SLC49A4: variants seen among roughly 807,000 people sequenced by gnomAD.
SLC49A4 encodes the protein disrupted in renal cancer protein 2.
SLC49A4 carries 36 observed loss-of-function variants against 50.6 expected under a neutral mutation model. The ratio of observed to expected loss-of-function variants is 0.71; its 90% CI spans 0.55 to 0.94. The LOEUF (loss-of-function observed/expected upper bound fraction) is 0.94, where lower values mean the gene tolerates loss of function less well. Among genes scored for constraint, SLC49A4 ranks in the 40% least tolerant of loss-of-function variants. SLC49A4 has a pLI of 0.00. For missense variants in SLC49A4, 503 were observed against 605.7 expected (o/e 0.83, Z 1.78); for synonymous variants, 248 against 241.2 (o/e 1.03, Z -0.26).
intron 1 of SLC49A4, among the ~76,000 whole-genome samples, chr3:122,797,765 G>C (rs1936068226): frequency 6.6e-6 from 1 of 152,142 alleles, no homozygotes; most frequent in Admixed American, 6.5e-5. Context: ...TGGGTCACTT[G>C]AGCCCAGGAG....
At chr3:122,796,778 G>C (rs938874166) in intron 1 of SLC49A4, among the ~76,000 whole-genome samples, 15 of 152,200 alleles carry the variant, frequency 9.9e-5, no homozygotes, top group African/African-American at 2.9e-4. Context: ...AGCACGTTGG[G>C]AGGCTGGGGT....
rs183245696 is a variant in SLC49A4 at position 122,867,097 on chromosome 3, G to A, written c.1139-5318G>A. 1.3e-3 allele frequency among the ~76,000 whole-genome samples: 193 copies of A among 152,278 alleles called. 5 individuals carry two copies. The highest frequency in any genetic ancestry group is 0.011 in the Admixed American group (164 of 15,284). On this transcript the variant is annotated intron_variant, in intron 7 of 8. Coordinates refer to ENST00000261038, the MANE Select transcript of SLC49A4 (RefSeq NM_032839.3). Reference sequence around the variant, plus strand: ...TAAGTCGTTTTGAAGAAAGGCTTAAGCTAAGTTTTCCCTCTTATATACTTA... The same window carrying A: ...TAAGTCGTTTTGAAGAAAGGCTTAAACTAAGTTTTCCCTCTTATATACTTA...
chr3:122,847,448 C>T (rs566759326), intron 5 of SLC49A4, among the ~76,000 whole-genome samples: 6 of 150,944 alleles, frequency 4.0e-5, no homozygotes, highest in Middle Eastern at 3.4e-3. Context: ...CCCGGGTTCA[C>T]GCCATTCTTC....
Position 122,795,223 on chromosome 3 carries a change from A to G in SLC49A4, c.31A>G (p.Arg11Gly). 1 of 1,336,788 alleles carries G rather than the reference A, an allele frequency of 7.5e-7. No individual in the cohort carries two copies. Among genetic ancestry groups the G allele is most frequent in the Non-Finnish European group, 9.5e-7 (1 of 1,053,234 alleles). The allele number at this position is 1,336,788 out of a possible 1,614,324, so 82.8% of individuals were successfully genotyped here. MGSRWSSEEE[R>G]QPLLGPGLGP... ...CTCTCGCTGGAGCAGCGAAGAGGAG[A>G]GGCAGCCGCTGCTGGGGCCCGGGCT... is the stretch of plus-strand genomic sequence containing the variant. Residue 11 changes from arginine (R) to glycine (G), a missense_variant, in exon 1 of 9, where the codon AGG (arginine) becomes GGG (glycine). Transcript: ENST00000261038.
chr3:122,833,290 A>G, intron 3 of SLC49A4, 27 bp from the exon 4 acceptor site: 2 of 1,603,452 alleles, frequency 1.2e-6, no homozygotes, highest in Non-Finnish European at 1.7e-6. Context: ...TTTCCTGGTT[A>G]ACATTTTACC....
rs757286647 is a variant in SLC49A4 at position 122,795,487 on chromosome 3, A to G, written c.295A>G (p.Ile99Val). ...DIALLVLWGP[I>V]GFLPCFAFMW... is the part of the protein sequence containing the mutation. The stretch of plus-strand genomic sequence containing the variant: ...CGCGCTGCTCGTGCTGTGGGGGCCC[A>G]TCGGCTTCCTGCCCTGCTTCGCGTT... Residue 99 changes from isoleucine to valine, a missense_variant, in exon 1 of 9, where the codon ATC becomes GTC. Transcript: ENST00000261038. 1.9e-6 allele frequency: 3 copies of G among 1,605,028 alleles called. No homozygotes were observed. In the Admixed American group the frequency reaches 5.0e-5, roughly 27 times the overall value.
chr3:122,813,273 TTTAGAG>T (rs1476245873), intron 2 of SLC49A4, among the ~76,000 whole-genome samples: 1 of 152,116 alleles, frequency 6.6e-6, no homozygotes, highest in Non-Finnish European at 1.5e-5. Context: ...TAAAATTGTC[TTTAGAG>T]TTTTGGAAAA....
intron 2 of SLC49A4, 51 bp downstream of exon 2, chr3:122,807,001 A>G (rs1323913696): frequency 1.7e-6 from 2 of 1,143,044 alleles, no homozygotes; most frequent in South Asian, 2.7e-5. Flanking sequence ...TATTATGTGT[A>G]TAAATTTTTA....
In SLC49A4 at chr3:122,860,185, A is replaced by G. The variant is rs940459624; in HGVS notation, c.1121A>G (p.His374Arg). 1.2e-6 allele frequency: 2 copies of G among 1,603,868 alleles called. No homozygotes were observed. The highest frequency in any genetic ancestry group is 1.3e-5 in the African/African-American group (1 of 74,576). Residue 374 changes from histidine (H) to arginine (R), a missense_variant, in exon 7 of 9, where the codon CAC (histidine) becomes CGC (arginine). Physicochemically the swap from His to Arg is conservative, Grantham distance 29. Transcript: ENST00000261038. ...FTLTCLNSITHLPLTTVTLYA... is the reference protein window; with the variant it reads ...FTLTCLNSITRLPLTTVTLYA... The stretch of plus-strand genomic sequence containing the variant: ...CTGACCTGTTTGAACAGCATCACAC[A>G]CCTACCTTTAACCACAGGTGAGCAT...
chr3:122,875,732 A>AG lies in SLC49A4; in HGVS notation c.1321+3138dup, dbSNP rs1382743184. The stretch of plus-strand genomic sequence containing the variant: ...CAAGGAAGTACTAAACTTCCTGACT[A>AG]GGGTTTTTCCCCCTACAGTGTGCTA... On this transcript the variant is annotated intron_variant, in intron 8 of 8. Transcript: ENST00000261038. Among the ~76,000 whole-genome samples, 11 of 152,308 alleles carry AG rather than the reference A, an allele frequency of 7.2e-5. No homozygotes were observed. In the East Asian group the frequency reaches 2.1e-3, roughly 29 times the overall value.
chr3:122,865,630 C>T (rs886969320), intron 7 of SLC49A4, among the ~76,000 whole-genome samples: 3 of 152,212 alleles, frequency 2.0e-5, no homozygotes, highest in Non-Finnish European at 2.9e-5. Flanking sequence ...AATGTTTCTT[C>T]TGGCTGCTTG....
intron 2 of SLC49A4, among the ~76,000 whole-genome samples, chr3:122,810,859 T>C (rs1936288820): frequency 6.6e-6 from 1 of 152,230 alleles, no homozygotes; most frequent in African/African-American, 2.4e-5. Flanking sequence ...GTGACTGATT[T>C]TGTGACAGCT....
Position 122,872,397 on chromosome 3 carries a change from T to C in SLC49A4, c.1139-18T>C. 1 of 1,592,002 alleles carries C rather than the reference T, an allele frequency of 6.3e-7. No individual in the cohort carries two copies. Among genetic ancestry groups the C allele is most frequent in the Non-Finnish European group, 8.6e-7 (1 of 1,167,026 alleles). ...CTGCCGCTAGTGTGAAACTAAAATG[T>C]TTGTGTTTTTATTTTAGTGACATTG... On this transcript the variant is annotated intron_variant, in intron 7 of 8. Transcript: ENST00000261038.
chr3:122,870,896 A>G (rs1409367321), intron 7 of SLC49A4, among the ~76,000 whole-genome samples: 2 of 151,878 alleles, frequency 1.3e-5, no homozygotes, highest in Non-Finnish European at 2.9e-5. Context: ...AGAAGCCACC[A>G]GTGATATTCC....
intron 3 of SLC49A4, among the ~76,000 whole-genome samples, chr3:122,831,573 T>C (rs1468993760): frequency 2.6e-5 from 4 of 152,246 alleles, no homozygotes; most frequent in Middle Eastern, 6.8e-3. Context: ...CTCAAATCTA[T>C]AGGGACTAAA....
At chr3:122,813,760 T>G (rs564203764) in intron 2 of SLC49A4, among the ~76,000 whole-genome samples, 2 of 152,334 alleles carry the variant, frequency 1.3e-5, no homozygotes, top group African/African-American at 4.8e-5. Context: ...TGATAACAAT[T>G]TAACATATAA....
intron 2 of SLC49A4, among the ~76,000 whole-genome samples, chr3:122,819,863 A>T (rs1936427139): frequency 6.6e-6 from 1 of 152,048 alleles, no homozygotes; most frequent in African/African-American, 2.4e-5. Flanking sequence ...ATATGAGCTA[A>T]GAGTTTATTT....
chr3:122,801,365 T>C (rs184392632), intron 1 of SLC49A4, among the ~76,000 whole-genome samples: 205 of 152,082 alleles, frequency 1.3e-3, no homozygotes, highest in African/African-American at 4.5e-3. Context: ...CCAGGTTGGG[T>C]GGATCACCTG....
At chr3:122,837,262 T>C (rs182043590) in intron 4 of SLC49A4, among the ~76,000 whole-genome samples, 1 of 152,326 alleles carries the variant, frequency 6.6e-6, no homozygotes, top group East Asian at 1.9e-4. Context: ...CAGTCAATTC[T>C]AAGCCAAAAG....
Sources: gnomAD v4.1 joint callset for allele counts (sites outside exome capture counted in the v4.1 genomes callset) on GRCh38, gnomAD v4.1.1 for gene constraint, MANE v1.5 for transcripts, NCBI Gene and HGNC (gene_info 2026-07-23, HGNC 2026-07-21) for gene names.